Variants in PLEKHA2 observed in about 807,000 individuals in gnomAD.
The protein encoded by PLEKHA2 is pleckstrin homology domain-containing family A member 2.
PLEKHA2 carries 28 observed loss-of-function variants against 53.2 expected under a neutral mutation model. That is an observed-to-expected ratio of 0.53 (90% CI 0.39 to 0.72). The LOEUF is 0.72. Ranked by LOEUF, PLEKHA2 falls within the 30% of genes least tolerant of loss-of-function variation. The probability of loss-of-function intolerance (pLI) is 0.00; values close to 1 mark genes in which losing one functional copy is unlikely to be tolerated. For missense variants in PLEKHA2, 426 were observed against 537.9 expected, an observed-to-expected ratio of 0.79 and a Z score of 2.06; for synonymous variants, 193 against 196.4, an observed-to-expected ratio of 0.98 and a Z score of 0.14.
At chr8:38,937,474 C>T (rs1331731820) in intron 3 of PLEKHA2, among the ~76,000 whole-genome samples, 1 of 152,096 alleles carries the variant, frequency 6.6e-6, no homozygotes. Context: ...GAAACCCTCT[C>T]CTGTGTGAGA....
chr8:38,937,969 C>A (rs563687419), intron 3 of PLEKHA2, among the ~76,000 whole-genome samples: 2 of 152,328 alleles, frequency 1.3e-5, no homozygotes, highest in South Asian at 4.1e-4. Context: ...AAGATGAGGA[C>A]GGGCGTGTGG....
At chr8:38,945,509 A>T (rs1329186919) in intron 4 of PLEKHA2, among the ~76,000 whole-genome samples, 1 of 152,230 alleles carries the variant, frequency 6.6e-6, no homozygotes, top group Admixed American at 6.5e-5. Context: ...TGCAAATTTC[A>T]TAGCTAAGCT....
At chr8:38,928,394 G>T (rs1834326775) in intron 2 of PLEKHA2, among the ~76,000 whole-genome samples, 1 of 151,948 alleles carries the variant, frequency 6.6e-6, no homozygotes, top group Non-Finnish European at 1.5e-5. Flanking sequence ...GATTAAAGGT[G>T]TGCGCCACCA....
rs192767956 is a variant in PLEKHA2 at position 38,949,636 on chromosome 8, A to G, written c.346-1214A>G. Among the ~76,000 whole-genome samples the G allele has an allele frequency of 6.6e-5, 10 of 152,378 alleles. No individual in the cohort carries two copies. The East Asian group carries it at 1.9e-3, about 29-fold the overall frequency. The stretch of plus-strand genomic sequence containing the variant: ...CAGCTGTGGTACCATATCTCTGTCA[A>G]GGAAGAGCAAAGATAGCTCATTCTT... On this transcript the variant is annotated intron_variant, in intron 5 of 11. Transcript: ENST00000617275.
intron 10 of PLEKHA2, among the ~76,000 whole-genome samples, chr8:38,965,815 A>G (rs1044567319): frequency 1.3e-5 from 2 of 152,142 alleles, no homozygotes; most frequent in Non-Finnish European, 2.9e-5. Context: ...TGAAAACAAC[A>G]ATAATATCTG....
At chr8:38,926,706 G>A (rs1466494437) in intron 2 of PLEKHA2, among the ~76,000 whole-genome samples, 2 of 152,208 alleles carry the variant, frequency 1.3e-5, no homozygotes, top group Non-Finnish European at 2.9e-5. Context: ...CAAGGCAGGC[G>A]ATCACCTGCG....
intron 5 of PLEKHA2, among the ~76,000 whole-genome samples, chr8:38,947,211 C>T (rs1318885469): frequency 5.3e-5 from 8 of 152,176 alleles, no homozygotes; most frequent in South Asian, 2.1e-4. Flanking sequence ...CAGTGGCTCA[C>T]GCTTGTAATT....
At chr8:38,943,738 C>T in intron 3 of PLEKHA2, 51 bp from the exon 4 acceptor site, 1 of 1,382,968 alleles carries the variant, frequency 7.2e-7, no homozygotes, top group South Asian at 1.3e-5. Context: ...AAGAAATCTT[C>T]AACATTGTAA....
At chr8:38,935,316 AT>A (rs1234826514) in intron 2 of PLEKHA2, among the ~76,000 whole-genome samples, 1 of 152,094 alleles carries the variant, frequency 6.6e-6, no homozygotes, top group Non-Finnish European at 1.5e-5. Context: ...GCCTTCTTAA[AT>A]GTATTAACTC....
At chr8:38,906,276 G>T (rs562485866) in intron 1 of PLEKHA2, among the ~76,000 whole-genome samples, 2 of 152,210 alleles carry the variant, frequency 1.3e-5, no homozygotes, top group African/African-American at 4.8e-5. Flanking sequence ...TTTCCTGCAG[G>T]CTCCAACAAC....
At chr8:38,941,336 G>A (rs993251645) in intron 3 of PLEKHA2, among the ~76,000 whole-genome samples, 16 of 152,212 alleles carry the variant, frequency 1.1e-4, no homozygotes, top group African/African-American at 3.1e-4. Flanking sequence ...GATTACAGGC[G>A]TGAGCCACTG....
At chr8:38,951,988 G>A (rs1199359924) in intron 6 of PLEKHA2, among the ~76,000 whole-genome samples, 178 bp from the exon 7 acceptor site, 6 of 152,148 alleles carry the variant, frequency 3.9e-5, no homozygotes, top group South Asian at 2.1e-4. Flanking sequence ...GGGCTCAAGC[G>A]ATCCTCCTGC....
At chr8:38,953,423 C>A in intron 9 of PLEKHA2, 56 bp downstream of exon 9, 2 of 1,450,568 alleles carry the variant, frequency 1.4e-6, no homozygotes, top group Non-Finnish European at 1.9e-6. Context: ...CCTCTTAAAT[C>A]TCCCTTTACT....
At chr8:38,908,105 T>C (rs1434704622) in intron 1 of PLEKHA2, among the ~76,000 whole-genome samples, 1 of 152,196 alleles carries the variant, frequency 6.6e-6, no homozygotes, top group Non-Finnish European at 1.5e-5. Flanking sequence ...CCATTTCCTT[T>C]TCCCAGAGCA....
At position 38,914,372 on chromosome 8, in the gene PLEKHA2, C is replaced by G. The variant is rs546734319; in HGVS notation, c.-23-3535C>G. ...GAACATGCCACACCACCAGTCGCCA[C>G]CCTTACTATTAGCCTGATCTGAATC... On this transcript the variant is annotated intron_variant, in intron 1 of 11. Coordinates refer to ENST00000617275, the MANE Select transcript of PLEKHA2 (RefSeq NM_021623.2). Among the ~76,000 whole-genome samples the G allele has an allele frequency of 3.9e-5, 6 of 152,374 alleles. No homozygotes were observed. The South Asian group carries it at 1.2e-3, about 32-fold the overall frequency.
At position 38,970,031 on chromosome 8, in the gene PLEKHA2, G is replaced by A; in HGVS notation, c.*248G>A. 3.4e-6 allele frequency: 2 copies of A among 585,442 alleles called. No individual in the cohort carries two copies. The highest frequency in any genetic ancestry group is 5.9e-6 in the Non-Finnish European group (2 of 339,520). The allele number at this position is 585,442 out of a possible 1,614,324, so 36.3% of individuals were successfully genotyped here. A position where few individuals can be genotyped will look rare whatever the true frequency, so the allele number is the denominator to read the frequency against. ...GGAAGTCACTAGGTTAGAACTGTAG[G>A]CATACTCAGTGGAGAGGAAGCTACC... On this transcript the variant is annotated 3_prime_UTR_variant, in exon 12 of 12. Coordinates refer to ENST00000617275, the MANE Select transcript of PLEKHA2 (RefSeq NM_021623.2).
chr8:38,931,685 A>G (rs766449815), intron 2 of PLEKHA2, among the ~76,000 whole-genome samples: 11 of 152,202 alleles, frequency 7.2e-5, no homozygotes, highest in Non-Finnish European at 1.2e-4. Flanking sequence ...CTTCACCATC[A>G]TGCAAATATT....
Position 38,936,361 on chromosome 8 carries a change from T to G in PLEKHA2, c.198+311T>G, listed in dbSNP as rs570771941. 1.4e-4 allele frequency among the ~76,000 whole-genome samples: 21 copies of G among 152,098 alleles called. No individual in the cohort carries two copies. In the South Asian group the frequency reaches 1.9e-3, roughly 14 times the overall value. ...GAGCTGGGGTAGGGGTAGTACATGA[T>G]CCATGACCTTTTTTTGTAATTGGGA... On this transcript the variant is annotated intron_variant, in intron 3 of 11. Coordinates refer to ENST00000617275, the MANE Select transcript of PLEKHA2 (RefSeq NM_021623.2).
At chr8:38,946,434 C>T (rs907369194) in intron 5 of PLEKHA2, among the ~76,000 whole-genome samples, 8 of 152,230 alleles carry the variant, frequency 5.3e-5, no homozygotes, top group African/African-American at 1.9e-4. Context: ...AGGGGAAGTT[C>T]ATGGAGCGTC....
Sources: allele counts gnomAD v4.1 joint callset (sites outside exome capture counted in the v4.1 genomes callset), GRCh38; gene constraint gnomAD v4.1.1; transcripts MANE v1.5; gene names NCBI Gene and HGNC (gene_info 2026-07-23, HGNC 2026-07-21).